The following OVCH2 variants were observed in gnomAD, a reference collection of about 807,000 sequenced individuals.
The protein encoded by OVCH2 is ovochymase 2, also known as ovochymase-2.
OVCH2 carries 88 observed loss-of-function variants against 73.7 expected under a neutral mutation model. The ratio of observed to expected loss-of-function variants is 1.19; its 90% CI spans 1.01 to 1.43. The LOEUF is 1.43. OVCH2 is among the 40% of genes most tolerant of loss of function. The pLI, the probability that OVCH2 is intolerant of heterozygous loss-of-function variation, is 0.00. For synonymous variants in OVCH2, 265 were observed against 234.5 expected (o/e 1.13, Z -1.19); for missense variants, 706 against 674.5 (o/e 1.05, Z -0.52).
downstream of OVCH2, among the ~76,000 whole-genome samples, chr11:7,686,284 A>G (rs1300769141): frequency 6.6e-6 from 1 of 152,212 alleles, no homozygotes; most frequent in Non-Finnish European, 1.5e-5. Flanking sequence ...GATGACGATG[A>G]TTCTTACCTC....
the OVCH2 span, among the ~76,000 whole-genome samples, chr11:7,679,985 T>C: frequency 6.6e-6 from 1 of 152,220 alleles, no homozygotes. Context: ...TATGCCTTGC[T>C]CTGTGAATCT....
At chr11:7,693,479 A>G (rs1590904147) in intron 12 of OVCH2, among the ~76,000 whole-genome samples, 1 of 152,148 alleles carries the variant, frequency 6.6e-6, no homozygotes, top group Non-Finnish European at 1.5e-5. Flanking sequence ...AGAGTATGAG[A>G]GCATCGCTTC....
chr11:7,697,495 C>G (rs1856359546), intron 8 of OVCH2, among the ~76,000 whole-genome samples: 1 of 152,210 alleles, frequency 6.6e-6, no homozygotes, highest in Admixed American at 6.5e-5. Context: ...TTCTGAACTT[C>G]AGACCTGATT....
rs1004527043 is a variant in OVCH2 at position 7,696,730 on chromosome 11, T to C, written c.995A>G (p.His332Arg). Residue 332 changes from histidine to arginine, a missense_variant, in exon 9 of 16, where the codon CAC becomes CGC. Coordinates refer to ENST00000533663, the MANE Select transcript of OVCH2 (RefSeq NM_198185.7). ...EGKLHFPESL[H>R]LYYESKQRCV... ...TCACTGCTTGCTCTCATAATATAGG[T>C]GGAGGCTTTCTGGGAAGTGCAGCTT... is the stretch of plus-strand genomic sequence containing the variant. The C allele has an allele frequency of 2.8e-5, 45 of 1,613,548 alleles. No individual in the cohort carries two copies. The highest frequency in any genetic ancestry group is 3.2e-5 in the Non-Finnish European group (38 of 1,179,794).
At chr11:7,684,627 C>T (rs536198119), downstream of OVCH2, among the ~76,000 whole-genome samples, 1 of 151,574 alleles carries the variant, frequency 6.6e-6, no homozygotes, top group Admixed American at 6.6e-5. Flanking sequence ...AGTGTAACTA[C>T]AAATTAGCCC....
the OVCH2 span, among the ~76,000 whole-genome samples, chr11:7,679,593 T>C: frequency 1.3e-5 from 2 of 152,194 alleles, no homozygotes; most frequent in African/African-American, 4.8e-5. Flanking sequence ...AGGTGCTTGC[T>C]TCCCCTTCAC....
intron 10 of OVCH2, 130 bp from the exon 11 acceptor site, chr11:7,695,840 A>T: frequency 7.9e-7 from 1 of 1,257,996 alleles, no homozygotes; most frequent in Non-Finnish European, 1.1e-6. Flanking sequence ...GTCTTGTCAC[A>T]ATTGACATTT....
intron 3 of OVCH2, 112 bp from the exon 4 acceptor site, chr11:7,702,441 G>A (rs1381828058): frequency 1.2e-6 from 1 of 807,198 alleles, no homozygotes; most frequent in African/African-American, 1.8e-5. Flanking sequence ...TATGGGGTGT[G>A]AGGCTGCTGA....
the OVCH2 span, among the ~76,000 whole-genome samples, chr11:7,679,323 C>G: frequency 6.6e-6 from 1 of 152,170 alleles, no homozygotes; most frequent in Non-Finnish European, 1.5e-5. Context: ...CCTGAATAGC[C>G]TCCTGATGGG....
chr11:7,695,511 G>A, intron 11 of OVCH2, 59 bp downstream of exon 11: 2 of 1,498,054 alleles, frequency 1.3e-6, no homozygotes, highest in Non-Finnish European at 1.8e-6. Flanking sequence ...TAATTCCTAT[G>A]GGGCCTAAGC....
At chr11:7,701,583 A>G in intron 5 of OVCH2, 108 bp from the exon 6 acceptor site, 1 of 1,473,636 alleles carries the variant, frequency 6.8e-7, no homozygotes, top group South Asian at 1.3e-5. Context: ...ATTTCTAAGT[A>G]CAATGTGACA....
At chr11:7,692,447 C>T (rs894303804) in intron 12 of OVCH2, among the ~76,000 whole-genome samples, 3 of 152,174 alleles carry the variant, frequency 2.0e-5, no homozygotes, top group Admixed American at 2.0e-4. Context: ...CCTTGGAGAC[C>T]GTGTCTTTCT....
At chr11:7,700,108 T>C in intron 7 of OVCH2, 188 bp downstream of exon 7, 3 of 592,670 alleles carry the variant, frequency 5.1e-6, no homozygotes, top group Non-Finnish European at 8.8e-6. Context: ...ATCTGCATGC[T>C]GCTCCACATA....
intron 2 of OVCH2, 57 bp downstream of exon 2, chr11:7,704,508 A>G (rs1350307283): frequency 8.1e-7 from 1 of 1,228,084 alleles, no homozygotes; most frequent in African/African-American, 1.5e-5. Context: ...CCTTAAAAAT[A>G]TCTATATCCA....
intron 4 of OVCH2, 129 bp from the exon 5 acceptor site, chr11:7,701,940 T>A: frequency 1.2e-6 from 1 of 848,010 alleles, no homozygotes; most frequent in Non-Finnish European, 1.9e-6. Flanking sequence ...GCCTGGCACC[T>A]CCAGGGGTTA....
At chr11:7,693,810 A>T (rs1046377128) in intron 12 of OVCH2, among the ~76,000 whole-genome samples, 13 of 152,228 alleles carry the variant, frequency 8.5e-5, no homozygotes, top group African/African-American at 3.1e-4. Context: ...TATTTCAGAT[A>T]CCACCAATCC....
In OVCH2 at chr11:7,701,733, C is replaced by T. The variant is rs766794767; in HGVS notation, c.542G>A (p.Trp181Ter). Reference sequence around the variant, plus strand: ...GTTCTTACCTTCAGTTAAGCGGCCCCAGCCTGCAGTTGTACAAATAAAACC... The same window carrying T: ...GTTCTTACCTTCAGTTAAGCGGCCCTAGCCTGCAGTTGTACAAATAAAACC... ...EAGFICTTAG[W>*]GRLTEGGVLS... Residue 181 changes from tryptophan (W) to a stop codon, truncating the protein, a stop_gained, in exon 5 of 16, where the codon TGG (tryptophan) becomes TAG (stop). Transcript: ENST00000533663. LOFTEE classifies it high-confidence loss of function. The T allele has an allele frequency of 5.6e-6, 9 of 1,611,816 alleles. No individual in the cohort carries two copies. Among genetic ancestry groups the T allele is most frequent in the Non-Finnish European group, 7.6e-6 (9 of 1,179,244 alleles).
chr11:7,696,662 G>T, intron 9 of OVCH2, 47 bp downstream of exon 9: 1 of 1,613,882 alleles, frequency 6.2e-7, no homozygotes. Context: ...GGTGGGCCCA[G>T]ACCGGAGGTG....
At chr11:7,682,665 G>T in the OVCH2 span, among the ~76,000 whole-genome samples, 3 of 152,170 alleles carry the variant, frequency 2.0e-5, no homozygotes, top group Non-Finnish European at 4.4e-5. Flanking sequence ...CAAGAACATT[G>T]CCCCAGCAGT....
Sources: gnomAD v4.1 joint callset for allele counts (sites outside exome capture counted in the v4.1 genomes callset) on GRCh38, gnomAD v4.1.1 for gene constraint, MANE v1.5 for transcripts, NCBI Gene and HGNC (gene_info 2026-07-23, HGNC 2026-07-21) for gene names.